LTBP3: variants seen among roughly 807,000 people sequenced by gnomAD.
The protein encoded by LTBP3 is latent-transforming growth factor beta-binding protein 3.
A neutral mutation model predicts 159.7 loss-of-function variants in LTBP3; 97 were observed. The ratio of observed to expected loss-of-function variants is 0.61; its 90% CI spans 0.52 to 0.72. The LOEUF (loss-of-function observed/expected upper bound fraction) is 0.72, where lower values mean the gene tolerates loss of function less well. LTBP3 is among the 30% of genes least tolerant of loss of function. The pLI is 0.00. For synonymous variants in LTBP3, 824 were observed against 777.1 expected (o/e 1.06, Z -1.00); for missense variants, 1,584 against 1,864.3 (o/e 0.85, Z 2.77).
chr11:65,558,311 C>T lies in LTBP3; in HGVS notation c.-352G>A, dbSNP rs1450341641. 34 of 621,452 alleles carry T rather than the reference C, an allele frequency of 5.5e-5. No individual in the cohort carries two copies. Among genetic ancestry groups the T allele is most frequent in the Admixed American group, 2.9e-4 (5 of 16,954 alleles). The allele number at this position is 621,452 out of a possible 1,614,324, so 38.5% of individuals were successfully genotyped here. ...CCTCCCCCTGGCCGGGCTCCTCTCC[C>T]GCGGCCGCGGGGAGGCAGGGAGCGC... On this transcript the variant is annotated 5_prime_UTR_variant, in exon 1 of 28. Transcript: ENST00000301873.
rs1856735488 is a variant in LTBP3 at position 65,554,487 on chromosome 11, G to A, written c.332-107C>T. 1.2e-6 allele frequency: 1 copy of A among 854,444 alleles called. No homozygotes were observed. The highest frequency in any genetic ancestry group is 2.5e-5 in the Admixed American group (1 of 40,202). 52.9% of individuals were successfully genotyped at this position (854,444 alleles called of 1,614,324 possible). A position where few individuals can be genotyped will look rare whatever the true frequency, so the allele number is the denominator to read the frequency against. ...CTGTCCTCTTGGGAAGCCAGGTTTT[G>A]AGATACATCCTACATAGGGAAACTG... On this transcript the variant is annotated intron_variant, in intron 1 of 27. Coordinates refer to ENST00000301873, the MANE Select transcript of LTBP3 (RefSeq NM_001130144.3). This position sits in a 1 kb window ranked among gnomAD's most constrained non-coding sequence, Gnocchi z 5.3.
rs71036212 is a variant in LTBP3, at chr11:65,557,854, C to CCAGCAGCAG, written c.97_105dup (p.Leu33_Leu35dup). 2.9e-3 allele frequency: 3,817 copies of CCAGCAGCAG among 1,320,230 alleles called. 8 individuals carry two copies. Among genetic ancestry groups the CCAGCAGCAG allele is most frequent in the Middle Eastern group, 4.6e-3 (19 of 4,106 alleles). 81.8% of individuals were successfully genotyped at this position (1,320,230 alleles called of 1,614,324 possible). Reference sequence around the variant, plus strand: ...CCCCCCTCGACCCTGCCGCCCAGGCCCAGCAGCAGCAGCAGCAGCAGCAGC... The same window carrying CCAGCAGCAG: ...CCCCCCTCGACCCTGCCGCCCAGGCCCAGCAGCAGCAGCAGCAGCAGCAGCAGCAGCAGC... On this transcript the variant is annotated inframe_insertion, in exon 1 of 28. Coordinates refer to ENST00000301873, the MANE Select transcript of LTBP3 (RefSeq NM_001130144.3).
chr11:65,547,325 CAG>C lies in LTBP3; in HGVS notation c.2107+112_2107+113del, dbSNP rs1856414461. 11 of 1,289,866 alleles carry C rather than the reference CAG, an allele frequency of 8.5e-6. No homozygotes were observed. The highest frequency in any genetic ancestry group is 1.2e-5 in the Non-Finnish European group (11 of 922,620). 79.9% of individuals were successfully genotyped at this position (1,289,866 alleles called of 1,614,324 possible). A position where few individuals can be genotyped will look rare whatever the true frequency, so the allele number is the denominator to read the frequency against. Reference sequence around the variant, plus strand: ...CACCACCGCACTCCAGCCTGGGCGACAGAGTGAGACTCCGTCTCGGGGGAAAA... The same window carrying C: ...CACCACCGCACTCCAGCCTGGGCGACAGTGAGACTCCGTCTCGGGGGAAAA... On this transcript the variant is annotated intron_variant, in intron 14 of 27. Coordinates refer to ENST00000301873, the MANE Select transcript of LTBP3 (RefSeq NM_001130144.3). The surrounding 1 kb of genome is among the most constrained non-coding windows in gnomAD (Gnocchi z 4.6).
At position 65,546,379 on chromosome 11, in the gene LTBP3, C is replaced by G; in HGVS notation, c.2353+63G>C. The G allele has an allele frequency of 6.8e-7, 1 of 1,480,338 alleles. No individual in the cohort carries two copies. Among genetic ancestry groups the G allele is most frequent in the Non-Finnish European group, 8.9e-7 (1 of 1,120,572 alleles). The allele number at this position is 1,480,338 out of a possible 1,614,324, so 91.7% of individuals were successfully genotyped here. A position where few individuals can be genotyped will look rare whatever the true frequency, so the allele number is the denominator to read the frequency against. On this transcript the variant is annotated intron_variant, in intron 16 of 27. Coordinates refer to ENST00000301873, the MANE Select transcript of LTBP3 (RefSeq NM_001130144.3). This position sits in a 1 kb window ranked among gnomAD's most constrained non-coding sequence, Gnocchi z 4.0. ...ACCCACTGTTTACAGACAGCGTGAC[C>G]CGCTCCCCGGCTTCAGCGCGTAGGG...
In LTBP3 at chr11:65,554,314, G is replaced by T. The variant is rs1565101783; in HGVS notation, c.398C>A (p.Pro133Gln). The T allele has an allele frequency of 6.2e-7, 1 of 1,611,920 alleles. No homozygotes were observed. The highest frequency in any genetic ancestry group is 8.5e-7 in the Non-Finnish European group (1 of 1,179,674). Reference protein sequence around the residue: ...CSSRNQCLCPPDFTGRFCQVP... With the variant: ...CSSRNQCLCPQDFTGRFCQVP... ...CTGGCAGAAGCGCCCAGTGAAGTCC[G>T]GGGGACACAGGCACTGGTTTCGCGA... Residue 133 changes from proline to glutamine, a missense_variant, in exon 2 of 28, where the codon CCG becomes CAG. This residue lies in a region of LTBP3 where 76 missense variants were observed against 133.3 expected (regional missense o/e 0.57). Transcript: ENST00000301873. The surrounding 1 kb of genome is among the most constrained non-coding windows in gnomAD (Gnocchi z 5.3).
In LTBP3 at chr11:65,553,718, TG is replaced by T; in HGVS notation, c.846del (p.Asp282GlufsTer106). On this transcript the variant is annotated frameshift_variant, in exon 3 of 28. Transcript: ENST00000301873. LOFTEE classifies it high-confidence loss of function. The surrounding 1 kb of genome is among the most constrained non-coding windows in gnomAD (Gnocchi z 6.5). Reference protein sequence around the residue: ...TQKPLGRCFQDTLPKQPCGSN... With the variant: ...TQKPLGRCFQXTLPKQPCGSN... Reference sequence around the variant, plus strand: ...TCACTCACCGGCTGCTTGGGCAGAGTGTCCTGAAAGCAGCGGCCCAGGGGCT... The same window carrying T: ...TCACTCACCGGCTGCTTGGGCAGAGTTCCTGAAAGCAGCGGCCCAGGGGCT... The T allele has an allele frequency of 6.3e-7, 1 of 1,577,080 alleles. No homozygotes were observed. Among genetic ancestry groups the T allele is most frequent in the Non-Finnish European group, 8.5e-7 (1 of 1,169,610 alleles).
chr11:65,538,646 G>GGCCC lies in LTBP3; in HGVS notation c.*430_*433dup, dbSNP rs1855865101. 129 of 1,453,234 alleles carry GGCCC rather than the reference G, an allele frequency of 8.9e-5. 1 individual carries two copies. The East Asian group carries it at 3.0e-3, about 34-fold the overall frequency. 90.0% of individuals were successfully genotyped at this position (1,453,234 alleles called of 1,614,324 possible). On this transcript the variant is annotated 3_prime_UTR_variant, in exon 28 of 28. Coordinates refer to ENST00000301873, the MANE Select transcript of LTBP3 (RefSeq NM_001130144.3). ...TTGTACAAACCATGTGAGCCCGGCC[G>GGCCC]GCCCAGCCAGGCCATCTCACGTGTA... is the stretch of plus-strand genomic sequence containing the variant.
At position 65,546,717 on chromosome 11, in the gene LTBP3, A is replaced by AACCC; in HGVS notation, c.2230+80_2230+81insGGGT. ...CCCCCAGACGCCAATCACCACCGCT[A>AACCC]CCCCGCCCCGCCCCCAGCGGAGCCA... On this transcript the variant is annotated intron_variant, in intron 15 of 27. Coordinates refer to ENST00000301873, the MANE Select transcript of LTBP3 (RefSeq NM_001130144.3). This position sits in a 1 kb window ranked among gnomAD's most constrained non-coding sequence, Gnocchi z 4.0. 6.6e-7 allele frequency: 1 copy of AACCC among 1,519,258 alleles called. No homozygotes were observed. The highest frequency in any genetic ancestry group is 8.8e-7 in the Non-Finnish European group (1 of 1,131,156). 94.1% of individuals were successfully genotyped at this position (1,519,258 alleles called of 1,614,324 possible). A position where few individuals can be genotyped will look rare whatever the true frequency, so the allele number is the denominator to read the frequency against.
rs192543645 is a variant in LTBP3 at position 65,557,989 on chromosome 11, G to T, written c.-30C>A. 1.8e-6 allele frequency: 2 copies of T among 1,117,384 alleles called. No individual in the cohort carries two copies. The highest frequency in any genetic ancestry group is 9.3e-5 in the East Asian group (2 of 21,616). The allele number at this position is 1,117,384 out of a possible 1,614,324, so 69.2% of individuals were successfully genotyped here. On this transcript the variant is annotated 5_prime_UTR_variant, in exon 1 of 28. Coordinates refer to ENST00000301873, the MANE Select transcript of LTBP3 (RefSeq NM_001130144.3). ...GGCCGCAGGACCCGGGGGAGGGGGG[G>T]CGCGCCCGGGCGGGGCGAGGGGCCC...
At position 65,547,706 on chromosome 11, in the gene LTBP3, C is replaced by T; in HGVS notation, c.1962G>A (p.Gly654=). Residue 654 remains glycine, a synonymous_variant, in exon 13 of 28, where the codon GGG becomes GGA. Coordinates refer to ENST00000301873, the MANE Select transcript of LTBP3 (RefSeq NM_001130144.3). This position sits in a 1 kb window ranked among gnomAD's most constrained non-coding sequence, Gnocchi z 4.6. ...NRGYRLHVGA[G]GRSCVDLNEC... ...GGCGCTCACCCACGCACGAGCGCCCCCCGGCGCCCACGTGCAGGCGGTAGC... is the reference window on the plus strand; with the variant it reads ...GGCGCTCACCCACGCACGAGCGCCCTCCGGCGCCCACGTGCAGGCGGTAGC... The T allele has an allele frequency of 6.2e-7, 1 of 1,605,796 alleles. No individual in the cohort carries two copies. The highest frequency in any genetic ancestry group is 8.5e-7 in the Non-Finnish European group (1 of 1,177,684).
chr11:65,547,687 C>T lies in LTBP3; in HGVS notation c.1978+3G>A. The T allele has an allele frequency of 6.2e-7, 1 of 1,605,524 alleles. No homozygotes were observed. The stretch of plus-strand genomic sequence containing the variant: ...GGGCCGCCTCCGCCCTGGCGGCGCT[C>T]ACCCACGCACGAGCGCCCCCCGGCG... On this transcript the variant is annotated splice_donor_region_variant and intron_variant, in intron 13 of 27. Coordinates refer to ENST00000301873, the MANE Select transcript of LTBP3 (RefSeq NM_001130144.3). The surrounding 1 kb of genome is among the most constrained non-coding windows in gnomAD (Gnocchi z 4.6).
rs1856433156 is a variant in LTBP3, at chr11:65,547,669, C to T, written c.1978+21G>A. On this transcript the variant is annotated intron_variant, in intron 13 of 27. Coordinates refer to ENST00000301873, the MANE Select transcript of LTBP3 (RefSeq NM_001130144.3). The surrounding 1 kb of genome is among the most constrained non-coding windows in gnomAD (Gnocchi z 4.6). ...GAGAGCCCGTCCCACCCAGGGCCGCCTCCGCCCTGGCGGCGCTCACCCACG... is the reference window on the plus strand; with the variant it reads ...GAGAGCCCGTCCCACCCAGGGCCGCTTCCGCCCTGGCGGCGCTCACCCACG... 6 of 1,606,008 alleles carry T rather than the reference C, an allele frequency of 3.7e-6. No individual in the cohort carries two copies. The highest frequency in any genetic ancestry group is 1.8e-4 in the Middle Eastern group (1 of 5,434).
Position 65,538,609 on chromosome 11 carries a change from C to T in LTBP3, c.*471G>A, listed in dbSNP as rs1308268313. The T allele has an allele frequency of 1.3e-6, 2 of 1,591,624 alleles. No homozygotes were observed. The highest frequency in any genetic ancestry group is 1.7e-6 in the Non-Finnish European group (2 of 1,169,684). On this transcript the variant is annotated 3_prime_UTR_variant, in exon 28 of 28. Coordinates refer to ENST00000301873, the MANE Select transcript of LTBP3 (RefSeq NM_001130144.3). ...TCCCGGCTGCGGAGAGCCCGCCCCA[C>T]AGATGTATTTATTGTACAAACCATG...
chr11:65,540,330 G>A lies in LTBP3; in HGVS notation c.3159C>T (p.Asn1053=), dbSNP rs1234564744. 1.3e-6 allele frequency: 2 copies of A among 1,580,828 alleles called. No individual in the cohort carries two copies. Among genetic ancestry groups the A allele is most frequent in the South Asian group, 1.2e-5 (1 of 86,828 alleles). ...AGGCACAGCGGTAGCCGCCGCGCGT[G>A]TTCTCACACACTCCGTTCCGGCAGT... ...ESNCRNGVCE[N]TRGGYRCACT... The change falls in exon 23 of 28, where the codon AAC becomes AAT. Residue 1053 remains asparagine, a synonymous_variant. Coordinates refer to ENST00000301873, the MANE Select transcript of LTBP3 (RefSeq NM_001130144.3).
rs1489947935 is a variant in LTBP3 at position 65,554,425 on chromosome 11, T to C, written c.332-45A>G. 6.7e-7 allele frequency: 1 copy of C among 1,487,708 alleles called. No homozygotes were observed. Among genetic ancestry groups the C allele is most frequent in the Non-Finnish European group, 9.2e-7 (1 of 1,084,400 alleles). 92.2% of individuals were successfully genotyped at this position (1,487,708 alleles called of 1,614,324 possible). On this transcript the variant is annotated intron_variant, in intron 1 of 27. Transcript: ENST00000301873. The surrounding 1 kb of genome is among the most constrained non-coding windows in gnomAD (Gnocchi z 5.3). ...CAGGCCCTCACCCACATCCTGTCTCTTTCCCCTCCTCCCTACTTCCTTGCC... is the reference window on the plus strand; with the variant it reads ...CAGGCCCTCACCCACATCCTGTCTCCTTCCCCTCCTCCCTACTTCCTTGCC...
intron 23 of LTBP3, 34 bp from the exon 24 acceptor site, chr11:65,540,187 ACAGCTCGG>A (rs1372281640): frequency 1.4e-5 from 22 of 1,539,342 alleles, no homozygotes; most frequent in Non-Finnish European, 1.8e-5. Flanking sequence ...GGGGGCCGTC[ACAGCTCGG>A]CCCGGGCCCC....
At position 65,553,976 on chromosome 11, in the gene LTBP3, C is replaced by T; in HGVS notation, c.662-73G>A. The T allele has an allele frequency of 2.5e-6, 4 of 1,572,362 alleles. No homozygotes were observed. Among genetic ancestry groups the T allele is most frequent in the Non-Finnish European group, 3.4e-6 (4 of 1,161,488 alleles). On this transcript the variant is annotated intron_variant, in intron 2 of 27. Transcript: ENST00000301873. This position sits in a 1 kb window ranked among gnomAD's most constrained non-coding sequence, Gnocchi z 6.5. ...GTCACCGCGCTGAGCTCCTCCAGGGCTGAACCTGCCCTGCCCTGGCCACCC... is the reference window on the plus strand; with the variant it reads ...GTCACCGCGCTGAGCTCCTCCAGGGTTGAACCTGCCCTGCCCTGGCCACCC...
In LTBP3 at chr11:65,547,533, G is replaced by A. The variant is rs141543287; in HGVS notation, c.2013C>T (p.Gly671=). Residue 671 remains glycine (G), a synonymous_variant, in exon 14 of 28, where the codon GGC becomes GGT. Transcript: ENST00000301873. This position sits in a 1 kb window ranked among gnomAD's most constrained non-coding sequence, Gnocchi z 4.6. ...LNECAKPHLC[G]DGGFCINFPG... ...GAAAGTTGATGCAGAAGCCGCCGTCGCCGCACAGGTGGGGCTTGGCGCATT... is the reference window on the plus strand; with the variant it reads ...GAAAGTTGATGCAGAAGCCGCCGTCACCGCACAGGTGGGGCTTGGCGCATT... 1.2e-6 allele frequency: 2 copies of A among 1,614,012 alleles called. No individual in the cohort carries two copies. Among genetic ancestry groups the A allele is most frequent in the African/African-American group, 2.7e-5 (2 of 75,038 alleles).
intron 11 of LTBP3, among the ~76,000 whole-genome samples, chr11:65,549,115 G>C (rs1483542020): frequency 6.6e-6 from 1 of 152,188 alleles, no homozygotes; most frequent in East Asian, 1.9e-4. Flanking sequence ...ATGGTATTTA[G>C]AACGTAAAAC....
Sources: allele counts gnomAD v4.1 joint callset (sites outside exome capture counted in the v4.1 genomes callset), GRCh38; gene constraint gnomAD v4.1.1; regional missense constraint gnomAD v4.1.1; non-coding constraint Gnocchi (gnomAD v3.1); transcripts MANE v1.5; gene names NCBI Gene and HGNC (gene_info 2026-07-23, HGNC 2026-07-21).